ST7: variants seen among roughly 807,000 people sequenced by gnomAD.
The protein encoded by ST7 is suppression of tumorigenicity 7.
A neutral mutation model predicts 78.7 loss-of-function variants in ST7; 28 were observed. The ratio of observed to expected loss-of-function variants is 0.36; its 90% CI spans 0.26 to 0.49. The LOEUF is 0.49. Among genes scored for constraint, ST7 ranks in the 20% least tolerant of loss-of-function variants. ST7 has a pLI of 0.99. For missense variants in ST7, 418 were observed against 696.0 expected (o/e 0.60, Z 4.49); for synonymous variants, 247 against 249.6 (o/e 0.99, Z 0.10).
At chr7:117,063,756 A>G (rs1798481871) in intron 1 of ST7, among the ~76,000 whole-genome samples, 1 of 152,184 alleles carries the variant, frequency 6.6e-6, no homozygotes, top group African/African-American at 2.4e-5. Context: ...TCTTGGTTTT[A>G]TATCTCTTCC....
At chr7:117,126,558 C>T (rs1368712750) in intron 3 of ST7, among the ~76,000 whole-genome samples, 1 of 151,638 alleles carries the variant, frequency 6.6e-6, no homozygotes, top group Non-Finnish European at 1.5e-5. Context: ...TTTTGTAACC[C>T]ATGGCCTAAT....
chr7:117,063,427 G>A (rs1378461250), intron 1 of ST7, among the ~76,000 whole-genome samples: 1 of 152,160 alleles, frequency 6.6e-6, no homozygotes, highest in Non-Finnish European at 1.5e-5. Context: ...AGTATTTCAG[G>A]GCCAGGCACA....
intron 10 of ST7, among the ~76,000 whole-genome samples, chr7:117,175,198 TATC>T (rs1416129409): frequency 1.3e-5 from 2 of 152,240 alleles, no homozygotes; most frequent in African/African-American, 4.8e-5. Context: ...GAGATTTATT[TATC>T]TTTCTCTTCA....
intron 1 of ST7, among the ~76,000 whole-genome samples, chr7:117,042,217 T>C (rs1797267901): frequency 6.6e-6 from 1 of 152,254 alleles, no homozygotes; most frequent in Admixed American, 6.5e-5. Context: ...TCAATTACTT[T>C]CTTTTTAAAA....
chr7:117,109,059 G>C (rs1450463031), intron 2 of ST7, among the ~76,000 whole-genome samples: 1 of 152,132 alleles, frequency 6.6e-6, no homozygotes, highest in African/African-American at 2.4e-5. Context: ...TTGACAGTTT[G>C]ACTTCCTCTT....
chr7:117,019,121 A>G (rs150160649), intron 1 of ST7, among the ~76,000 whole-genome samples: 39 of 152,328 alleles, frequency 2.6e-4, no homozygotes, highest in African/African-American at 9.1e-4. Context: ...TGTGAACACA[A>G]GAAATTAATT....
At chr7:117,119,528 G>A in intron 2 of ST7, 33 bp from the exon 3 acceptor site, 1 of 1,594,148 alleles carries the variant, frequency 6.3e-7, no homozygotes, top group South Asian at 1.1e-5. Flanking sequence ...AATGATAACA[G>A]TGACCATAAA....
Position 117,178,094 on chromosome 7 carries a change from C to A in ST7, c.1078+7118C>A, listed in dbSNP as rs3824030. ...CAAGTGTATCTGGTAGAAATGATAT[C>A]ATTTGTTGCCTGATATAATTTGTTG... On this transcript the variant is annotated intron_variant, in intron 10 of 15. Transcript: ENST00000323984. Among the ~76,000 whole-genome samples the A allele has an allele frequency of 5.0e-4, 76 of 152,200 alleles. 1 individual carries two copies. The East Asian group carries it at 0.013, about 25-fold the overall frequency.
At chr7:117,135,725 C>T (rs1584439299) in intron 7 of ST7, among the ~76,000 whole-genome samples, 1 of 152,218 alleles carries the variant, frequency 6.6e-6, no homozygotes, top group Middle Eastern at 3.4e-3. Flanking sequence ...GTACTGAGCA[C>T]TTTACATGCA....
At chr7:116,984,642 C>T (rs1794112786) in intron 1 of ST7, among the ~76,000 whole-genome samples, 1 of 152,126 alleles carries the variant, frequency 6.6e-6, no homozygotes, top group Non-Finnish European at 1.5e-5. Flanking sequence ...TCAGTTTTCT[C>T]ATTTGTACAG....
chr7:116,955,290 A>G, intron 1 of ST7: 1 of 330,104 alleles, frequency 3.0e-6, no homozygotes. Context: ...AATACCACAG[A>G]TTGGGTAATT....
At chr7:117,031,839 T>TG (rs1172295682) in intron 1 of ST7, among the ~76,000 whole-genome samples, 1 of 123,930 alleles carries the variant, frequency 8.1e-6, no homozygotes, top group East Asian at 2.7e-4. Context: ...TATATCTATA[T>TG]CTATATCTAT....
chr7:117,129,806 G>A lies in ST7; in HGVS notation c.408G>A (p.Trp136Ter). The change falls in exon 4 of 16, where the codon TGG (tryptophan) becomes TGA (stop). Residue 136 changes from tryptophan (W) to a stop codon, truncating the protein, a stop_gained. Transcript: ENST00000323984. LOFTEE classifies it high-confidence loss of function. The stretch of plus-strand genomic sequence containing the variant: ...TCTTTGTTGCAGAATGCAAAGTATG[G>A]CGAAATCCACTAAATTTATTTAGGG... ...NRQSVSECKV[W>*]RNPLNLFRGA... 1 of 1,610,196 alleles carries A rather than the reference G, an allele frequency of 6.2e-7. No individual in the cohort carries two copies. The highest frequency in any genetic ancestry group is 8.5e-7 in the Non-Finnish European group (1 of 1,177,946).
chr7:117,050,891 C>T (rs1797754145), intron 1 of ST7, among the ~76,000 whole-genome samples: 1 of 148,484 alleles, frequency 6.7e-6, no homozygotes, highest in Non-Finnish European at 1.5e-5. Context: ...GATCGAGCAT[C>T]TGCACTCCAG....
At chr7:117,033,303 C>G (rs899077883) in intron 1 of ST7, among the ~76,000 whole-genome samples, 11 of 151,942 alleles carry the variant, frequency 7.2e-5, no homozygotes, top group African/African-American at 2.7e-4. Flanking sequence ...AATGGAAAAA[C>G]TTATTAAGTT....
chr7:117,124,672 C>G (rs1803682396), intron 3 of ST7, among the ~76,000 whole-genome samples: 1 of 152,022 alleles, frequency 6.6e-6, no homozygotes, highest in African/African-American at 2.4e-5. Context: ...CAGATGTGGT[C>G]CTAATCTTCT....
chr7:117,075,617 G>A (rs1799286778), intron 1 of ST7, among the ~76,000 whole-genome samples: 1 of 152,164 alleles, frequency 6.6e-6, no homozygotes, highest in African/African-American at 2.4e-5. Flanking sequence ...AGGCCTGTCT[G>A]TGTGAGGCCT....
chr7:117,069,457 T>G (rs1264437369), intron 1 of ST7, among the ~76,000 whole-genome samples: 2 of 152,256 alleles, frequency 1.3e-5, no homozygotes, highest in Non-Finnish European at 2.9e-5. Flanking sequence ...ATACTGGAAT[T>G]TAAATGCCAT....
At chr7:117,077,092 C>G (rs1799402089) in intron 1 of ST7, among the ~76,000 whole-genome samples, 1 of 152,124 alleles carries the variant, frequency 6.6e-6, no homozygotes, top group Non-Finnish European at 1.5e-5. Flanking sequence ...CAGCCAGATT[C>G]TTTTTTGAAG....
Sources: allele counts gnomAD v4.1 joint callset (sites outside exome capture counted in the v4.1 genomes callset), GRCh38; gene constraint gnomAD v4.1.1; transcripts MANE v1.5; gene names NCBI Gene and HGNC (gene_info 2026-07-23, HGNC 2026-07-21).